Variants in GRAMD1A observed in about 807,000 individuals in gnomAD.
The protein encoded by GRAMD1A is GRAM domain containing 1A.
Under a neutral mutation model 92.0 loss-of-function variants are expected in GRAMD1A, and 50 were observed. The observed-to-expected ratio is 0.54, with a 90% confidence interval of 0.43 to 0.69. The LOEUF (loss-of-function observed/expected upper bound fraction) is 0.69, where lower values mean the gene tolerates loss of function less well. GRAMD1A is among the 30% of genes least tolerant of loss of function. GRAMD1A has a pLI of 0.00. For missense variants in GRAMD1A, 819 were observed against 978.9 expected (o/e 0.84, Z 2.18); for synonymous variants, 405 against 403.6 (o/e 1.00, Z -0.04).
intron 17 of GRAMD1A, 97 bp from the exon 18 acceptor site, chr19:35,023,139 C>A: frequency 1.1e-6 from 1 of 904,826 alleles, no homozygotes. Context: ...TCCTCCTCTG[C>A]AATGGGGGAT....
intron 3 of GRAMD1A, 99 bp from the exon 4 acceptor site, chr19:35,009,789 G>A (rs2015085018): frequency 6.3e-6 from 5 of 792,546 alleles, no homozygotes; most frequent in Admixed American, 3.5e-5. Flanking sequence ...GTTGGAATCT[G>A]TCAGGGACTT....
At chr19:34,997,827 G>A (rs1180431126), upstream of GRAMD1A, among the ~76,000 whole-genome samples, 1 of 152,120 alleles carries the variant, frequency 6.6e-6, no homozygotes, top group East Asian at 1.9e-4. Context: ...AGCACTTTGG[G>A]AGGCCGAGGC....
chr19:35,015,125 T>G (rs2015532146), intron 10 of GRAMD1A: 2 of 152,802 alleles, frequency 1.3e-5, no homozygotes. Flanking sequence ...GAGCTATGAT[T>G]GCACCACTGC....
intron 13 of GRAMD1A, among the ~76,000 whole-genome samples, chr19:35,019,794 C>G (rs527256592): frequency 6.6e-6 from 1 of 152,310 alleles, no homozygotes; most frequent in African/African-American, 2.4e-5. Flanking sequence ...TCTCAGGGAG[C>G]TCATATTCTA....
chr19:35,015,809 C>G lies in GRAMD1A; in HGVS notation c.1070-15C>G. Reference sequence around the variant, plus strand: ...GTGGAGGCAGTCATCATCCTCGGCTCTCCTCTGTCTCCAGCGGACTTGGCT... The same window carrying G: ...GTGGAGGCAGTCATCATCCTCGGCTGTCCTCTGTCTCCAGCGGACTTGGCT... On this transcript the variant is annotated splice_polypyrimidine_tract_variant and intron_variant, in intron 10 of 19. Coordinates refer to ENST00000317991, the MANE Select transcript of GRAMD1A (RefSeq NM_020895.5). 1 of 1,611,602 alleles carries G rather than the reference C, an allele frequency of 6.2e-7. No individual in the cohort carries two copies. The highest frequency in any genetic ancestry group is 8.5e-7 in the Non-Finnish European group (1 of 1,178,764).
rs573159322 is a variant in GRAMD1A at position 35,026,360 on chromosome 19, C to T, written c.*219C>T. 2.2e-4 allele frequency: 131 copies of T among 582,352 alleles called. 1 individual carries two copies. In the South Asian group the frequency reaches 2.5e-3, roughly 11 times the overall value. The allele number at this position is 582,352 out of a possible 1,614,324, so 36.1% of individuals were successfully genotyped here. ...AGGCCCCCCACTAACTTATTTTGCCCGGCTGAGGTTGTGGGGGGCGCCTCC... is the reference window on the plus strand; with the variant it reads ...AGGCCCCCCACTAACTTATTTTGCCTGGCTGAGGTTGTGGGGGGCGCCTCC... On this transcript the variant is annotated 3_prime_UTR_variant, in exon 20 of 20. Coordinates refer to ENST00000317991, the MANE Select transcript of GRAMD1A (RefSeq NM_020895.5).
chr19:35,024,624 C>T (rs183598832), intron 19 of GRAMD1A, among the ~76,000 whole-genome samples: 21 of 152,174 alleles, frequency 1.4e-4, no homozygotes, highest in Admixed American at 1.2e-3. Context: ...CTCATTGGAC[C>T]CTTCCATATC....
intron 1 of GRAMD1A, among the ~76,000 whole-genome samples, chr19:35,008,652 A>C (rs2014996465): frequency 6.6e-6 from 1 of 152,102 alleles, no homozygotes; most frequent in Non-Finnish European, 1.5e-5. Flanking sequence ...AACCCCATCT[A>C]CTAAAAATAT....
chr19:35,014,746 C>T (rs2015503005), intron 10 of GRAMD1A: 1 of 287,110 alleles, frequency 3.5e-6, no homozygotes, highest in Non-Finnish European at 6.9e-6. Context: ...ATAAATGAGG[C>T]TGGGTGTGAT....
chr19:34,995,846 G>T, upstream of GRAMD1A: 1 of 597,832 alleles, frequency 1.7e-6, no homozygotes, highest in Non-Finnish European at 2.9e-6. Flanking sequence ...GCCTCCCAGA[G>T]AGCTGGGATT....
At chr19:35,002,252 C>A (rs1048657205) in intron 1 of GRAMD1A, among the ~76,000 whole-genome samples, 3 of 152,106 alleles carry the variant, frequency 2.0e-5, no homozygotes, top group Non-Finnish European at 2.9e-5. Context: ...ATGTGCCACG[C>A]ATTATTCCAC....
At chr19:35,019,693 A>G (rs1712338681) in intron 13 of GRAMD1A, among the ~76,000 whole-genome samples, 160 bp downstream of exon 13, 2 of 152,082 alleles carry the variant, frequency 1.3e-5, no homozygotes, top group South Asian at 4.1e-4. Flanking sequence ...AGGGTAGAGG[A>G]AGAGTGGCCC....
intron 16 of GRAMD1A, 124 bp from the exon 17 acceptor site, chr19:35,022,776 C>T: frequency 1.2e-6 from 1 of 804,752 alleles, no homozygotes; most frequent in Non-Finnish European, 1.8e-6. Flanking sequence ...GCTCTCAGCT[C>T]TCATCCAGTG....
At chr19:35,019,106 A>G (rs2015846608) in intron 11 of GRAMD1A, 85 bp from the exon 12 acceptor site, 1 of 854,202 alleles carries the variant, frequency 1.2e-6, no homozygotes, top group Non-Finnish European at 1.9e-6. Context: ...GTCCCCAGAG[A>G]GACCTCCCAG....
chr19:35,010,714 G>A lies in GRAMD1A; in HGVS notation c.525+335G>A, dbSNP rs543674551. On this transcript the variant is annotated intron_variant, in intron 6 of 19. Transcript: ENST00000317991. ...CATTGTGGCCTCATGTCCGTTGGTT[G>A]CAAGATGGCTTTCTCACCAGCGGTC... The A allele has an allele frequency of 2.1e-5, 11 of 535,458 alleles. No homozygotes were observed. In the African/African-American group the frequency reaches 2.1e-4, roughly 10 times the overall value. 33.2% of individuals were successfully genotyped at this position (535,458 alleles called of 1,614,324 possible). A position where few individuals can be genotyped will look rare whatever the true frequency, so the allele number is the denominator to read the frequency against.
rs182796750 is a variant in GRAMD1A at position 35,014,121 on chromosome 19, A to G, written c.871-68A>G. On this transcript the variant is annotated intron_variant, in intron 9 of 19. Transcript: ENST00000317991. Reference sequence around the variant, plus strand: ...CACAGGCTCTGGAATCCTTGTGGCCAGTGTGGACTTGGGAGCCCTGGGGCT... The same window carrying G: ...CACAGGCTCTGGAATCCTTGTGGCCGGTGTGGACTTGGGAGCCCTGGGGCT... 1.3e-4 allele frequency: 186 copies of G among 1,384,440 alleles called. 1 individual carries two copies. The East Asian group carries it at 3.6e-3, about 27-fold the overall frequency. 85.8% of individuals were successfully genotyped at this position (1,384,440 alleles called of 1,614,324 possible).
upstream of GRAMD1A, chr19:34,996,214 G>A: frequency 6.5e-6 from 10 of 1,535,482 alleles, no homozygotes; most frequent in African/African-American, 1.4e-5. Flanking sequence ...GTGATGGGGA[G>A]TCCCCCGCCT....
chr19:35,009,695 T>C, intron 3 of GRAMD1A, 193 bp from the exon 4 acceptor site: 1 of 633,918 alleles, frequency 1.6e-6, no homozygotes, highest in Non-Finnish European at 2.8e-6. Context: ...TCAGTGATGC[T>C]GGTGGGTGCT....
rs73929259 is a variant in GRAMD1A, at chr19:35,023,728, G to A, written c.2082+181G>A. The stretch of plus-strand genomic sequence containing the variant: ...AGGGGAAAGCATGGAAGCATGGATG[G>A]AAGACAGAACTGATTGGCTCACGTC... On this transcript the variant is annotated intron_variant, in intron 19 of 19. Transcript: ENST00000317991. 4,232 of 622,012 alleles carry A rather than the reference G, an allele frequency of 6.8e-3. 131 individuals carry two copies. In the African/African-American group the frequency reaches 0.07, roughly 10 times the overall value. The allele number at this position is 622,012 out of a possible 1,614,324, so 38.5% of individuals were successfully genotyped here. A position where few individuals can be genotyped will look rare whatever the true frequency, so the allele number is the denominator to read the frequency against.
Sources: allele counts gnomAD v4.1 joint callset (sites outside exome capture counted in the v4.1 genomes callset), GRCh38; gene constraint gnomAD v4.1.1; transcripts MANE v1.5; gene names NCBI Gene and HGNC (gene_info 2026-07-23, HGNC 2026-07-21).